The following CCDC32 variants were observed in gnomAD, a reference collection of about 807,000 sequenced individuals.
CCDC32 encodes the protein coiled-coil domain containing 32, also known as coiled-coil domain-containing protein 32.
A neutral mutation model predicts 20.1 loss-of-function variants in CCDC32; 9 were observed. That is an observed-to-expected ratio of 0.45 (90% CI 0.27 to 0.78). The LOEUF is 0.78. Among genes scored for constraint, CCDC32 ranks in the 30% least tolerant of loss-of-function variants. CCDC32 has a pLI of 0.16. For synonymous variants in CCDC32, 63 were observed against 79.0 expected (o/e 0.80, Z 1.07); for missense variants, 204 against 215.5 (o/e 0.95, Z 0.33).
chr15:40,554,888 A>C (rs1595891664), intron 3 of CCDC32, among the ~76,000 whole-genome samples: 1 of 152,224 alleles, frequency 6.6e-6, no homozygotes, highest in African/African-American at 2.4e-5. Context: ...TCAATAGCAC[A>C]AAGTCTTAAC....
At chr15:40,542,233 A>T (rs1029501909) in intron 3 of CCDC32, among the ~76,000 whole-genome samples, 3 of 152,196 alleles carry the variant, frequency 2.0e-5, no homozygotes. Context: ...CTGAATGGTA[A>T]TTGGTCTTCC....
intron 3 of CCDC32, among the ~76,000 whole-genome samples, chr15:40,555,546 A>C (rs1890178676): frequency 6.6e-6 from 1 of 152,194 alleles, no homozygotes. Flanking sequence ...TTTAAGACTT[A>C]ATTAGGTTGG....
downstream of CCDC32, chr15:40,535,541 T>A (rs1339047063): frequency 1.0e-6 from 1 of 985,496 alleles, no homozygotes; most frequent in African/African-American, 1.8e-5. Context: ...GCCCCTTCTC[T>A]CCTCCTCCAC....
chr15:40,539,210 A>G (rs1889265575), downstream of CCDC32: 2 of 1,525,868 alleles, frequency 1.3e-6, no homozygotes, highest in African/African-American at 1.4e-5. Flanking sequence ...GGTTCTGCAC[A>G]TCCCTGCCTG....
chr15:40,532,867 A>C (rs956054987), downstream of CCDC32, among the ~76,000 whole-genome samples: 1 of 151,034 alleles, frequency 6.6e-6, no homozygotes, highest in East Asian at 1.9e-4. Flanking sequence ...AGACCTGGCT[A>C]ATTTTTTTTA....
chr15:40,532,142 A>G, downstream of CCDC32: 1 of 540,806 alleles, frequency 1.8e-6, no homozygotes, highest in Non-Finnish European at 3.3e-6. Flanking sequence ...TTTCTTCTCT[A>G]GTTTTCAGCA....
intron 3 of CCDC32, 21 bp downstream of exon 3, chr15:40,557,195 A>T: frequency 6.3e-7 from 1 of 1,599,702 alleles, no homozygotes; most frequent in Non-Finnish European, 8.5e-7. Flanking sequence ...TTCAGCTGGA[A>T]CTAGACGGGG....
chr15:40,551,809 CAAAAAAAAAA>C (rs59499493), downstream of CCDC32, among the ~76,000 whole-genome samples: 11 of 96,378 alleles, frequency 1.1e-4, no homozygotes, highest in Admixed American at 6.1e-4. Context: ...GACCCTGTCT[CAAAAAAAAAA>C]AAAAAAAAAA....
At chr15:40,539,429 C>A in intron 3 of CCDC32, 1 of 1,287,178 alleles carries the variant, frequency 7.8e-7, no homozygotes, top group South Asian at 1.3e-5. Flanking sequence ...CTAACAGAGT[C>A]AAAGAGAGAC....
chr15:40,559,594 C>T (rs1287811152), intron 2 of CCDC32, among the ~76,000 whole-genome samples: 1 of 152,202 alleles, frequency 6.6e-6, no homozygotes. Flanking sequence ...TTTCACATTA[C>T]TCCCTATCTT....
chr15:40,523,778 A>C (rs980696701), downstream of CCDC32, among the ~76,000 whole-genome samples: 7 of 152,260 alleles, frequency 4.6e-5, 1 homozygote, highest in African/African-American at 1.7e-4. Context: ...GAATGGCTAA[A>C]ATTAAAGACT....
chr15:40,529,661 T>C (rs1302947560), intron 3 of CCDC32: 1 of 43,396 alleles, frequency 2.3e-5, no homozygotes, highest in Admixed American at 1.6e-4. Context: ...TTTGGATGGT[T>C]TTTTTTTTTT....
rs1413985313 is a variant in CCDC32 at position 40,553,926 on chromosome 15, G to A, written c.*45C>T. On this transcript the variant is annotated 3_prime_UTR_variant, in exon 4 of 4. Coordinates refer to ENST00000416810, the MANE Select transcript of CCDC32 (RefSeq NM_001080792.4). ...TCGGCGTGTGTGTGTGTGTGTGTGT[G>A]TGTGTGTGTGTGTGTGTGTGTGTGT... is the stretch of plus-strand genomic sequence containing the variant. 1 of 457,782 alleles carries A rather than the reference G, an allele frequency of 2.2e-6. No homozygotes were observed. The highest frequency in any genetic ancestry group is 3.3e-6 in the Non-Finnish European group (1 of 305,560). The allele number at this position is 457,782 out of a possible 1,614,324, so 28.4% of individuals were successfully genotyped here. A position where few individuals can be genotyped will look rare whatever the true frequency, so the allele number is the denominator to read the frequency against.
chr15:40,525,359 C>T (rs1173232458), downstream of CCDC32, among the ~76,000 whole-genome samples: 4 of 151,726 alleles, frequency 2.6e-5, no homozygotes, highest in Non-Finnish European at 4.4e-5. Context: ...GACAGGGTTT[C>T]ACTATGTTGG....
At chr15:40,522,828 CTTTTTTT>C in the CCDC32 span, among the ~76,000 whole-genome samples, 5,577 of 131,158 alleles carry the variant, frequency 0.043, 368 homozygotes, top group African/African-American at 0.15. Flanking sequence ...GTTTTCCTTT[CTTTTTTT>C]TTTTTTTTTT....
At chr15:40,527,994 C>T (rs139139605), downstream of CCDC32, among the ~76,000 whole-genome samples, 88 of 152,358 alleles carry the variant, frequency 5.8e-4, no homozygotes, top group African/African-American at 2.0e-3. Flanking sequence ...TTCCCCTACT[C>T]CCTGTGGCCT....
downstream of CCDC32, among the ~76,000 whole-genome samples, chr15:40,532,564 T>C (rs1428112103): frequency 6.6e-6 from 1 of 152,156 alleles, no homozygotes; most frequent in Non-Finnish European, 1.5e-5. Context: ...TCTTAAATTA[T>C]TTTTACCCAG....
downstream of CCDC32, among the ~76,000 whole-genome samples, chr15:40,552,055 A>G (rs7176418): frequency 0.033 from 4,968 of 151,934 alleles, 278 homozygotes; most frequent in African/African-American, 0.11. Flanking sequence ...TACTCAGGGG[A>G]AGCTGAGGCA....
chr15:40,540,350 A>AT (rs1166830011), intron 3 of CCDC32, among the ~76,000 whole-genome samples: 1 of 139,108 alleles, frequency 7.2e-6, no homozygotes, highest in Non-Finnish European at 1.5e-5. Context: ...TCTTCTTAGC[A>AT]TTTTTTTCTT....
Sources: gnomAD v4.1 joint callset for allele counts (sites outside exome capture counted in the v4.1 genomes callset) on GRCh38, gnomAD v4.1.1 for gene constraint, MANE v1.5 for transcripts, NCBI Gene and HGNC (gene_info 2026-07-23, HGNC 2026-07-21) for gene names.